The following NCOA2 variants were observed in gnomAD, a reference collection of about 807,000 sequenced individuals.
NCOA2 encodes class E basic helix-loop-helix protein 75.
A neutral mutation model predicts 145.1 loss-of-function variants in NCOA2; 21 were observed. That is an observed-to-expected ratio of 0.14 (90% confidence interval 0.10 to 0.21). The LOEUF is 0.21. Ranked by LOEUF, NCOA2 falls within the 10% of genes least tolerant of loss-of-function variation. The probability of loss-of-function intolerance (pLI) is 1.00; values close to 1 mark genes in which losing one functional copy is unlikely to be tolerated. For synonymous variants in NCOA2, 619 were observed against 637.5 expected, an observed-to-expected ratio of 0.97 and a Z score of 0.44; for missense variants, 1,472 against 1,837.6, an observed-to-expected ratio of 0.80 and a Z score of 3.64.
chr8:70,407,124 C>G (rs1814794899), upstream of NCOA2, among the ~76,000 whole-genome samples: 1 of 152,034 alleles, frequency 6.6e-6, no homozygotes, highest in African/African-American at 2.4e-5. Context: ...CCTAAATTGC[C>G]AAAGCAAAAA....
chr8:70,173,776 GC>G (rs899407176), intron 5 of NCOA2, among the ~76,000 whole-genome samples: 24 of 150,488 alleles, frequency 1.6e-4, no homozygotes, highest in African/African-American at 5.6e-4. Flanking sequence ...CCCCCCCTCC[GC>G]CCTGCCCCCA....
At chr8:70,159,402 A>C in intron 10 of NCOA2, 103 bp downstream of exon 10, 1 of 1,068,382 alleles carries the variant, frequency 9.4e-7, no homozygotes. Context: ...ATTGATGAGA[A>C]GAAATGTCTA....
chr8:70,318,508 G>C (rs919484956), intron 1 of NCOA2, among the ~76,000 whole-genome samples: 1 of 152,120 alleles, frequency 6.6e-6, no homozygotes, highest in Admixed American at 6.5e-5. Context: ...GCTCATGCCT[G>C]TAATCCCAGC....
At position 70,216,561 on chromosome 8, in the gene NCOA2, A is replaced by G. The variant is rs1819638224; in HGVS notation, c.86+99T>C. The G allele has an allele frequency of 4.1e-6, 4 of 983,654 alleles. No individual in the cohort carries two copies. In the East Asian group the frequency reaches 7.2e-5, roughly 18 times the overall value. 60.9% of individuals were successfully genotyped at this position (983,654 alleles called of 1,614,324 possible). The stretch of plus-strand genomic sequence containing the variant: ...ACTGTTAAGGAGAAAAACCAACTCA[A>G]TATTTGAATCAGCAGTAAAATCAAT... On this transcript the variant is annotated intron_variant, in intron 3 of 22. Transcript: ENST00000452400.
At chr8:70,117,877 T>C (rs1210801178) in intron 22 of NCOA2, among the ~76,000 whole-genome samples, 1 of 152,380 alleles carries the variant, frequency 6.6e-6, no homozygotes, top group Non-Finnish European at 1.5e-5. Flanking sequence ...TGGTTGTTTC[T>C]GTAAATTTTT....
intron 1 of NCOA2, among the ~76,000 whole-genome samples, chr8:70,373,667 T>C (rs1395745254): frequency 2.0e-5 from 3 of 152,186 alleles, no homozygotes; most frequent in Non-Finnish European, 4.4e-5. Flanking sequence ...ACTTTCATAG[T>C]TTTAGCTTTT....
chr8:70,113,689 G>GA lies in NCOA2; in HGVS notation c.4384-47dup, dbSNP rs1316753107. 1.4e-5 allele frequency: 22 copies of GA among 1,529,746 alleles called. No homozygotes were observed. The South Asian group carries it at 2.5e-4, about 17-fold the overall frequency. The allele number at this position is 1,529,746 out of a possible 1,614,324, so 94.8% of individuals were successfully genotyped here. On this transcript the variant is annotated intron_variant, in intron 22 of 22. Coordinates refer to ENST00000452400, the MANE Select transcript of NCOA2 (RefSeq NM_006540.4). Reference sequence around the variant, plus strand: ...AGTTGTGAAACATCTTTGAGGTTTTGAAAAAAACATCATAAAGCCCACCAC... The same window carrying GA: ...AGTTGTGAAACATCTTTGAGGTTTTGAAAAAAAACATCATAAAGCCCACCAC...
At chr8:70,125,691 G>A (rs748758383) in intron 19 of NCOA2, among the ~76,000 whole-genome samples, 3 of 152,136 alleles carry the variant, frequency 2.0e-5, no homozygotes, top group Non-Finnish European at 4.4e-5. Flanking sequence ...ATAAATAGCT[G>A]TATTCATGGT....
the NCOA2 span, among the ~76,000 whole-genome samples, chr8:70,437,251 T>C: frequency 6.6e-6 from 1 of 152,204 alleles, no homozygotes; most frequent in African/African-American, 2.4e-5. Context: ...AGGGAAGCCT[T>C]GGAGATCAAA....
At chr8:70,155,485 C>G (rs1812176794) in intron 11 of NCOA2, among the ~76,000 whole-genome samples, 1 of 152,234 alleles carries the variant, frequency 6.6e-6, no homozygotes, top group Admixed American at 6.5e-5. Context: ...CAAACTACCA[C>G]CAGCCTGTGG....
At chr8:70,377,275 A>G (rs1448181187) in intron 1 of NCOA2, among the ~76,000 whole-genome samples, 3 of 152,002 alleles carry the variant, frequency 2.0e-5, no homozygotes, top group South Asian at 4.1e-4. Flanking sequence ...TTAAAAACTT[A>G]TATTTCCTAT....
Position 70,339,969 on chromosome 8 carries a change from T to C in NCOA2, c.-76-43169A>G, listed in dbSNP as rs574805359. 3.3e-5 allele frequency among the ~76,000 whole-genome samples: 5 copies of C among 152,078 alleles called. No homozygotes were observed. In the East Asian group the frequency reaches 9.7e-4, roughly 29 times the overall value. On this transcript the variant is annotated intron_variant, in intron 1 of 22. Coordinates refer to ENST00000452400, the MANE Select transcript of NCOA2 (RefSeq NM_006540.4). ...ATGGATTAAAGACTTAAATGTAAAATGCAAAACTATAAAAACCCTAGAAGA... is the reference window on the plus strand; with the variant it reads ...ATGGATTAAAGACTTAAATGTAAAACGCAAAACTATAAAAACCCTAGAAGA...
chr8:70,261,158 T>C (rs1471024017), intron 2 of NCOA2, among the ~76,000 whole-genome samples: 1 of 152,204 alleles, frequency 6.6e-6, no homozygotes, highest in African/African-American at 2.4e-5. Flanking sequence ...TACACATATG[T>C]TTATTGCGGC....
Position 70,157,054 on chromosome 8 carries a change from G to T in NCOA2, c.1311C>A (p.Pro437=), listed in dbSNP as rs1279594849. The T allele has an allele frequency of 1.9e-6, 3 of 1,613,896 alleles. No individual in the cohort carries two copies. The East Asian group carries it at 6.7e-5, about 36-fold the overall frequency. ...CCCCAGAACCACCAAACCTGCCCAT[G>T]GGCATGCCCATTTGTTCCTTTGGGC... The part of the protein sequence containing the change: ...INGPKEQMGM[P]MGRFGGSGGM... Residue 437 remains proline (P), a synonymous_variant, in exon 11 of 23, where the codon CCC becomes CCA. Coordinates refer to ENST00000452400, the MANE Select transcript of NCOA2 (RefSeq NM_006540.4).
chr8:70,402,176 G>A (rs1483037025), intron 1 of NCOA2: 2 of 152,548 alleles, frequency 1.3e-5, no homozygotes, highest in African/African-American at 4.8e-5. Flanking sequence ...CACCCGGCAG[G>A]TCAGCTCCCT....
chr8:70,185,056 C>T (rs752622091), intron 4 of NCOA2, among the ~76,000 whole-genome samples: 8 of 152,142 alleles, frequency 5.3e-5, no homozygotes, highest in Non-Finnish European at 1.0e-4. Flanking sequence ...TTATCTTTTC[C>T]TTCCAGTTTC....
At chr8:70,169,114 G>A (rs1044519769) in intron 6 of NCOA2, among the ~76,000 whole-genome samples, 8 of 152,114 alleles carry the variant, frequency 5.3e-5, no homozygotes, top group Admixed American at 1.3e-4. Flanking sequence ...CCTTCAATCC[G>A]TGAAGATGTT....
chr8:70,243,744 T>C (rs1054325336), intron 2 of NCOA2, among the ~76,000 whole-genome samples: 1 of 148,350 alleles, frequency 6.7e-6, no homozygotes, highest in African/African-American at 2.5e-5. Flanking sequence ...CACAGACTAC[T>C]TACAAGAACA....
intron 10 of NCOA2, among the ~76,000 whole-genome samples, chr8:70,157,463 G>A (rs11985715): frequency 1.3e-5 from 2 of 152,282 alleles, no homozygotes; most frequent in East Asian, 1.9e-4. Flanking sequence ...AAGATGTCTG[G>A]TTTTACAGAG....
Sources: gnomAD v4.1 joint callset for allele counts (sites outside exome capture counted in the v4.1 genomes callset) on GRCh38, gnomAD v4.1.1 for gene constraint, MANE v1.5 for transcripts, NCBI Gene and HGNC (gene_info 2026-07-23, HGNC 2026-07-21) for gene names.